STARD13: variants seen among roughly 807,000 people sequenced by gnomAD.
STARD13 encodes stAR-related lipid transfer protein 13.
Under a neutral mutation model 106.4 loss-of-function variants are expected in STARD13, and 62 were observed. That is an observed-to-expected ratio of 0.58 (90% CI 0.48 to 0.72). STARD13 has a LOEUF of 0.72. Ranked by LOEUF, STARD13 falls within the 30% of genes least tolerant of loss-of-function variation. STARD13 has a pLI of 0.00. For synonymous variants in STARD13, 565 were observed against 553.0 expected, an observed-to-expected ratio of 1.02 and a Z score of -0.31; for missense variants, 1,387 against 1,424.0, an observed-to-expected ratio of 0.97 and a Z score of 0.42.
At chr13:33,442,479 G>A in the STARD13 span, among the ~76,000 whole-genome samples, 1 of 152,170 alleles carries the variant, frequency 6.6e-6, no homozygotes, top group South Asian at 2.1e-4. Flanking sequence ...GTATGGCCAA[G>A]TATTATCTTG....
chr13:33,556,981 C>T, the STARD13 span, among the ~76,000 whole-genome samples: 1 of 152,116 alleles, frequency 6.6e-6, no homozygotes, highest in Non-Finnish European at 1.5e-5. Flanking sequence ...CCTGAAGCAG[C>T]CATTTGGTGA....
the STARD13 span, among the ~76,000 whole-genome samples, chr13:33,399,321 G>A: frequency 6.6e-6 from 1 of 152,044 alleles, no homozygotes; most frequent in Admixed American, 6.6e-5. Flanking sequence ...GGTTACCAGG[G>A]GATGGGGTGT....
chr13:33,141,569 A>C (rs1386099217), intron 4 of STARD13, among the ~76,000 whole-genome samples: 1 of 152,226 alleles, frequency 6.6e-6, no homozygotes, highest in East Asian at 1.9e-4. Context: ...GCTAGAGACA[A>C]GTACACAGTG....
the STARD13 span, among the ~76,000 whole-genome samples, chr13:33,464,881 TGAG>T: frequency 1.3e-5 from 2 of 151,924 alleles, no homozygotes; most frequent in East Asian, 3.9e-4. Flanking sequence ...AGATACCACA[TGAG>T]GAGGTGTAGT....
chr13:33,587,744 A>G, the STARD13 span, among the ~76,000 whole-genome samples: 1 of 152,210 alleles, frequency 6.6e-6, no homozygotes, highest in Non-Finnish European at 1.5e-5. Context: ...TGTGCTTCCC[A>G]ACAAGGTAGT....
chr13:33,519,494 A>G, the STARD13 span, among the ~76,000 whole-genome samples: 1 of 151,076 alleles, frequency 6.6e-6, no homozygotes, highest in Non-Finnish European at 1.5e-5. Flanking sequence ...CCAGCTGGGA[A>G]TTTTTTTTAT....
chr13:33,186,125 G>A (rs186258459), intron 1 of STARD13: 19 of 1,418,972 alleles, frequency 1.3e-5, no homozygotes, highest in East Asian at 1.2e-4. Context: ...AGTGACCTGC[G>A]AAGCCTCAGC....
the STARD13 span, among the ~76,000 whole-genome samples, chr13:33,663,911 C>A: frequency 5.9e-5 from 9 of 152,286 alleles, no homozygotes; most frequent in Admixed American, 5.2e-4. Context: ...GCTGTGGCAC[C>A]GTTCCTCCGA....
intron 1 of STARD13, among the ~76,000 whole-genome samples, chr13:33,309,721 G>A (rs1215088440): frequency 6.6e-5 from 10 of 152,144 alleles, no homozygotes; most frequent in East Asian, 1.9e-4. Flanking sequence ...AATTTGCAAC[G>A]TTTCTTAGAC....
chr13:33,659,401 A>G, the STARD13 span, among the ~76,000 whole-genome samples: 2 of 152,084 alleles, frequency 1.3e-5, no homozygotes, highest in Admixed American at 1.3e-4. Context: ...TTTTTAGTAG[A>G]GATGGGGTTT....
At chr13:33,519,238 T>C in the STARD13 span, among the ~76,000 whole-genome samples, 411 of 150,774 alleles carry the variant, frequency 2.7e-3, 3 homozygotes, top group East Asian at 0.034. Context: ...CTTTCTTTCT[T>C]TCTTTCTTTC....
At chr13:33,209,460 T>TC (rs146831424) in intron 1 of STARD13, among the ~76,000 whole-genome samples, 2 of 75,522 alleles carry the variant, frequency 2.6e-5, no homozygotes, top group East Asian at 3.1e-4. Flanking sequence ...TCTCTCTCTC[T>TC]TTTTTTTTTC....
the STARD13 span, among the ~76,000 whole-genome samples, chr13:33,669,560 G>C: frequency 8.3e-6 from 1 of 120,970 alleles, no homozygotes; most frequent in South Asian, 2.6e-4. Context: ...TTTTGAGACA[G>C]AATCTCACTC....
chr13:33,607,644 A>T, the STARD13 span, among the ~76,000 whole-genome samples: 2 of 152,170 alleles, frequency 1.3e-5, no homozygotes, highest in African/African-American at 4.8e-5. Context: ...GAGGTTAAAA[A>T]GTTAAACTGA....
At chr13:33,297,872 C>T (rs1263866317) in intron 1 of STARD13, among the ~76,000 whole-genome samples, 1 of 152,158 alleles carries the variant, frequency 6.6e-6, no homozygotes, top group Non-Finnish European at 1.5e-5. Flanking sequence ...ACAACAATGA[C>T]AGATACGGTC....
chr13:33,559,165 G>A, the STARD13 span, among the ~76,000 whole-genome samples: 2 of 151,582 alleles, frequency 1.3e-5, no homozygotes, highest in Non-Finnish European at 2.9e-5. Flanking sequence ...GGAAAGGTTT[G>A]GAAAATGCTT....
the STARD13 span, among the ~76,000 whole-genome samples, chr13:33,370,599 TTTTC>T: frequency 1.8e-3 from 267 of 151,272 alleles, 1 homozygote; most frequent in East Asian, 4.6e-3. Context: ...CTTTCTTTTC[TTTTC>T]TTTCTTTCTT....
rs147790350 is a variant in STARD13 at position 33,332,525 on chromosome 13, C to T, written c.124+17765G>A. Among the ~76,000 whole-genome samples, 10 of 152,208 alleles carry T rather than the reference C, an allele frequency of 6.6e-5. No homozygotes were observed. The East Asian group carries it at 1.4e-3, about 21-fold the overall frequency. On this transcript the variant is annotated intron_variant, in intron 1 of 5. Transcript: ENST00000567873. ...GCCAGGTGGGGATACAACCAGAAAACGGTTGTCTGCAGACTGCAAAATGGT... is the reference window on the plus strand; with the variant it reads ...GCCAGGTGGGGATACAACCAGAAAATGGTTGTCTGCAGACTGCAAAATGGT...
chr13:33,262,366 G>A (rs932781063), intron 1 of STARD13, among the ~76,000 whole-genome samples: 1 of 152,172 alleles, frequency 6.6e-6, no homozygotes, highest in Non-Finnish European at 1.5e-5. Context: ...CCAGCCACCA[G>A]CCAGTGGGGG....
Sources: allele counts gnomAD v4.1 joint callset (sites outside exome capture counted in the v4.1 genomes callset), GRCh38; gene constraint gnomAD v4.1.1; transcripts MANE v1.5; gene names NCBI Gene and HGNC (gene_info 2026-07-23, HGNC 2026-07-21).